Variants in TENM3 observed in about 807,000 individuals in gnomAD.
The protein encoded by TENM3 is teneurin transmembrane protein 3, also known as teneurin-3.
In TENM3, 63 loss-of-function variants were observed where a neutral mutation model predicts 255.1. That is an observed-to-expected ratio of 0.25 (90% CI 0.20 to 0.30). The LOEUF is 0.30. Among genes scored for constraint, TENM3 ranks in the 10% least tolerant of loss-of-function variants. The pLI, the probability that TENM3 is intolerant of heterozygous loss-of-function variation, is 1.00. For synonymous variants in TENM3, 1,306 were observed against 1,322.3 expected, an observed-to-expected ratio of 0.99 and a Z score of 0.27; for missense variants, 2,929 against 3,461.1, an observed-to-expected ratio of 0.85 and a Z score of 3.86.
At chr4:182,466,000 A>G (rs1032563427) in intron 3 of TENM3, among the ~76,000 whole-genome samples, 3 of 152,148 alleles carry the variant, frequency 2.0e-5, no homozygotes, top group African/African-American at 7.2e-5. Context: ...ACTATTATTG[A>G]AGGCTGAAAC....
the TENM3 span, among the ~76,000 whole-genome samples, chr4:181,762,704 A>G: frequency 9.2e-5 from 14 of 152,270 alleles, no homozygotes; most frequent in South Asian, 2.1e-3. Context: ...AATGATCAAC[A>G]TTTTTACCCC....
chr4:182,339,122 A>G (rs1483984679), intron 2 of TENM3, among the ~76,000 whole-genome samples: 6 of 152,206 alleles, frequency 3.9e-5, no homozygotes, highest in Admixed American at 3.9e-4. Flanking sequence ...GGTGCTGAGA[A>G]AGCTTATTTT....
chr4:182,158,033 C>A (rs985963875), intron 1 of TENM3, among the ~76,000 whole-genome samples: 5 of 152,096 alleles, frequency 3.3e-5, no homozygotes, highest in Admixed American at 1.3e-4. Flanking sequence ...GTTAGAAAAA[C>A]AACAGAGCAA....
At chr4:182,601,254 G>A (rs1276705682) in intron 4 of TENM3, 93 bp downstream of exon 4, 2 of 1,047,202 alleles carry the variant, frequency 1.9e-6, no homozygotes, top group Non-Finnish European at 2.8e-6. Flanking sequence ...GTGTTTTGGG[G>A]TTTTGTTGTT....
intron 5 of TENM3, among the ~76,000 whole-genome samples, chr4:182,643,755 T>G (rs1752508568): frequency 6.6e-6 from 1 of 152,246 alleles, no homozygotes; most frequent in African/African-American, 2.4e-5. Flanking sequence ...ATGTTCCTAA[T>G]GAATCTTTCT....
At chr4:181,621,210 G>C in the TENM3 span, among the ~76,000 whole-genome samples, 2 of 152,142 alleles carry the variant, frequency 1.3e-5, no homozygotes, top group African/African-American at 4.8e-5. Context: ...TCAACTTAAT[G>C]ATTCTTTCAT....
intron 22 of TENM3, among the ~76,000 whole-genome samples, chr4:182,766,520 C>G (rs1055447774): frequency 2.0e-5 from 3 of 152,154 alleles, no homozygotes; most frequent in African/African-American, 7.2e-5. Context: ...AATTTCAGAG[C>G]TGGGCATTAT....
chr4:182,586,619 T>C (rs1036162662), intron 3 of TENM3, among the ~76,000 whole-genome samples: 2 of 152,196 alleles, frequency 1.3e-5, no homozygotes, highest in East Asian at 3.9e-4. Flanking sequence ...TTACATGGTT[T>C]CCACTTAACA....
chr4:181,484,033 C>T, the TENM3 span, among the ~76,000 whole-genome samples: 1 of 152,044 alleles, frequency 6.6e-6, no homozygotes, highest in Admixed American at 6.6e-5. Context: ...AGTGTCTGCA[C>T]ATTTGATTTT....
chr4:181,688,780 T>C, the TENM3 span, among the ~76,000 whole-genome samples: 1 of 152,194 alleles, frequency 6.6e-6, no homozygotes, highest in African/African-American at 2.4e-5. Flanking sequence ...GGGGTTTAAG[T>C]GCATGTCTCC....
chr4:181,560,844 G>C, the TENM3 span, among the ~76,000 whole-genome samples: 104 of 152,244 alleles, frequency 6.8e-4, no homozygotes, highest in African/African-American at 2.5e-3. Context: ...CACGGTGCAG[G>C]GCAAAGCAAA....
the TENM3 span, among the ~76,000 whole-genome samples, chr4:181,803,089 C>T: frequency 6.6e-6 from 1 of 152,150 alleles, no homozygotes; most frequent in Non-Finnish European, 1.5e-5. Flanking sequence ...CTAACCATCA[C>T]ATTTCTATTA....
chr4:181,457,310 G>T, the TENM3 span, among the ~76,000 whole-genome samples: 1 of 151,798 alleles, frequency 6.6e-6, no homozygotes, highest in African/African-American at 2.4e-5. Context: ...TCAGTGAGCG[G>T]CTTAGTGTGA....
the TENM3 span, among the ~76,000 whole-genome samples, chr4:182,062,946 G>A: frequency 1.3e-5 from 2 of 152,298 alleles, no homozygotes; most frequent in Admixed American, 1.3e-4. Context: ...TACAACTCCA[G>A]AGCAGAGAGT....
At chr4:182,483,444 C>T (rs1213421951) in intron 3 of TENM3, among the ~76,000 whole-genome samples, 1 of 152,150 alleles carries the variant, frequency 6.6e-6, no homozygotes, top group Non-Finnish European at 1.5e-5. Context: ...GATCAAGCAA[C>T]TCAGCTTCTC....
At chr4:181,504,917 A>T in the TENM3 span, among the ~76,000 whole-genome samples, 3 of 152,212 alleles carry the variant, frequency 2.0e-5, no homozygotes, top group African/African-American at 7.2e-5. Context: ...TAGCCCTGCT[A>T]GCCTGAGTGA....
At chr4:182,097,691 C>T in the TENM3 span, among the ~76,000 whole-genome samples, 1 of 152,076 alleles carries the variant, frequency 6.6e-6, no homozygotes, top group African/African-American at 2.4e-5. Flanking sequence ...CGGAAAAGGC[C>T]CAAGGAGTAT....
the TENM3 span, among the ~76,000 whole-genome samples, chr4:181,953,113 A>G: frequency 6.6e-6 from 1 of 152,240 alleles, no homozygotes; most frequent in Non-Finnish European, 1.5e-5. Context: ...CACATTAATC[A>G]TAGCGGTTAC....
chr4:182,354,051 A>C (rs550678447), intron 3 of TENM3, among the ~76,000 whole-genome samples: 2 of 152,274 alleles, frequency 1.3e-5, no homozygotes, highest in South Asian at 4.1e-4. Flanking sequence ...TGTAAAGTTC[A>C]CTACTGTTGT....
Sources: gnomAD v4.1 joint callset for allele counts (sites outside exome capture counted in the v4.1 genomes callset) on GRCh38, gnomAD v4.1.1 for gene constraint, MANE v1.5 for transcripts, NCBI Gene and HGNC (gene_info 2026-07-23, HGNC 2026-07-21) for gene names.